The following PDE10A variants were observed in gnomAD, a reference collection of about 807,000 sequenced individuals.
PDE10A encodes phosphodiesterase 10A.
A neutral mutation model predicts 97.7 loss-of-function variants in PDE10A; 39 were observed. The ratio of observed to expected loss-of-function variants is 0.40; its 90% CI spans 0.31 to 0.52. The LOEUF (loss-of-function observed/expected upper bound fraction) is 0.52. PDE10A is among the 20% of genes least tolerant of loss of function. The pLI, the probability that PDE10A is intolerant of heterozygous loss-of-function variation, is 0.56. For missense variants in PDE10A, 731 were observed against 1,047.8 expected (o/e 0.70, Z 4.17); for synonymous variants, 371 against 376.8 (o/e 0.98, Z 0.18).
At chr6:165,457,684 T>C (rs1009915940) in intron 3 of PDE10A, among the ~76,000 whole-genome samples, 2 of 152,170 alleles carry the variant, frequency 1.3e-5, no homozygotes, top group African/African-American at 4.8e-5. Context: ...CTCAGGGCAT[T>C]TGGAACACAG....
At chr6:165,400,817 T>C (rs538462645) in intron 13 of PDE10A, among the ~76,000 whole-genome samples, 30 of 152,280 alleles carry the variant, frequency 2.0e-4, no homozygotes, top group African/African-American at 6.7e-4. Flanking sequence ...CACTCAAAAA[T>C]CTATCAACAA....
At chr6:165,581,499 C>G (rs1785615419) in intron 1 of PDE10A, among the ~76,000 whole-genome samples, 1 of 152,168 alleles carries the variant, frequency 6.6e-6, no homozygotes, top group East Asian at 1.9e-4. Context: ...GGGAGAGGGC[C>G]CTCCCCAGGA....
At chr6:165,684,466 G>A (rs1791061105) in intron 1 of PDE10A, among the ~76,000 whole-genome samples, 1 of 152,200 alleles carries the variant, frequency 6.6e-6, no homozygotes, top group Non-Finnish European at 1.5e-5. Context: ...CATCTCCTGG[G>A]TGGCTCCTTT....
intron 3 of PDE10A, among the ~76,000 whole-genome samples, chr6:165,455,291 G>A (rs190627247): frequency 5.5e-4 from 83 of 152,214 alleles, no homozygotes; most frequent in Non-Finnish European, 1.8e-4. Context: ...TTTAGCTCAA[G>A]GTTTGTCTCA....
chr6:165,906,514 G>A (rs368727819), intron 1 of PDE10A, among the ~76,000 whole-genome samples: 3 of 152,110 alleles, frequency 2.0e-5, no homozygotes, highest in Non-Finnish European at 4.4e-5. Context: ...AAATGAACTT[G>A]GTGGGTCCCA....
intron 1 of PDE10A, chr6:165,576,526 T>C: frequency 5.3e-6 from 4 of 755,106 alleles, no homozygotes; most frequent in Non-Finnish European, 9.8e-6. Context: ...CTTCTATATC[T>C]ATACCATTAG....
chr6:165,434,104 C>T (rs1004901648), intron 6 of PDE10A, among the ~76,000 whole-genome samples: 1 of 149,972 alleles, frequency 6.7e-6, no homozygotes, highest in Non-Finnish European at 1.5e-5. Flanking sequence ...TCAATTTCTA[C>T]TGTCTGTAAG....
At chr6:165,800,398 C>T (rs1409376438) in intron 1 of PDE10A, among the ~76,000 whole-genome samples, 3 of 152,156 alleles carry the variant, frequency 2.0e-5, no homozygotes, top group Non-Finnish European at 4.4e-5. Flanking sequence ...GAGATGTGCA[C>T]ACAGACAGGA....
At chr6:165,600,005 G>C (rs1786842853) in intron 1 of PDE10A, among the ~76,000 whole-genome samples, 1 of 152,172 alleles carries the variant, frequency 6.6e-6, no homozygotes, top group Non-Finnish European at 1.5e-5. Context: ...AACTGCTCAA[G>C]GCTGAGTGCA....
intron 3 of PDE10A, among the ~76,000 whole-genome samples, chr6:165,460,626 T>A (rs914981089): frequency 2.6e-5 from 4 of 152,304 alleles, no homozygotes; most frequent in African/African-American, 9.6e-5. Flanking sequence ...CAATTTAACA[T>A]AGTTGGAGTT....
chr6:165,901,513 C>T (rs6936063), intron 1 of PDE10A, among the ~76,000 whole-genome samples: 14,317 of 152,148 alleles, frequency 0.094, 837 homozygotes, highest in African/African-American at 0.16. Flanking sequence ...TTACAAAATG[C>T]CCCGCATGGC....
intron 1 of PDE10A, among the ~76,000 whole-genome samples, chr6:165,545,820 C>T (rs924363286): frequency 6.6e-6 from 1 of 151,950 alleles, no homozygotes; most frequent in African/African-American, 2.4e-5. Flanking sequence ...GATAAGGATG[C>T]AAAATGCTAC....
intron 1 of PDE10A, among the ~76,000 whole-genome samples, chr6:165,657,066 T>C (rs188035223): frequency 1.2e-3 from 178 of 152,352 alleles, no homozygotes; most frequent in Non-Finnish European, 2.0e-3. Flanking sequence ...CCAACACAAG[T>C]ATTTGAGTAC....
chr6:165,525,822 T>C (rs1488456745), intron 2 of PDE10A, among the ~76,000 whole-genome samples: 1 of 152,192 alleles, frequency 6.6e-6, no homozygotes, highest in Non-Finnish European at 1.5e-5. Flanking sequence ...CTTACTCGTG[T>C]AGAGCTCTGG....
chr6:165,731,218 T>C (rs1792427833), intron 1 of PDE10A, among the ~76,000 whole-genome samples: 1 of 152,020 alleles, frequency 6.6e-6, no homozygotes, highest in African/African-American at 2.4e-5. Context: ...GAGAACATGA[T>C]GGGCAAAAAT....
chr6:165,961,506 T>C (rs561390056), intron 1 of PDE10A, among the ~76,000 whole-genome samples: 14 of 152,326 alleles, frequency 9.2e-5, no homozygotes, highest in Non-Finnish European at 1.5e-4. Context: ...CACTGCTGGT[T>C]ACCCACGAGA....
At chr6:165,349,355 T>C (rs1487779170) in intron 18 of PDE10A, among the ~76,000 whole-genome samples, 1 of 152,020 alleles carries the variant, frequency 6.6e-6, no homozygotes, top group Non-Finnish European at 1.5e-5. Flanking sequence ...GGAACTGGAA[T>C]AAAGGTCACT....
intron 1 of PDE10A, among the ~76,000 whole-genome samples, chr6:165,646,675 G>T (rs1789412558): frequency 6.6e-6 from 1 of 152,178 alleles, no homozygotes; most frequent in Non-Finnish European, 1.5e-5. Context: ...GCGAGCAGGA[G>T]TCAACAGCGG....
chr6:165,585,193 G>A (rs758875161), intron 1 of PDE10A, among the ~76,000 whole-genome samples: 1 of 152,180 alleles, frequency 6.6e-6, no homozygotes, highest in Admixed American at 6.5e-5. Context: ...ATTTTTGGTT[G>A]TAAGTAAGAT....
Sources: allele counts gnomAD v4.1 joint callset (sites outside exome capture counted in the v4.1 genomes callset), GRCh38; gene constraint gnomAD v4.1.1; transcripts MANE v1.5; gene names NCBI Gene and HGNC (gene_info 2026-07-23, HGNC 2026-07-21).